The following SNCB variants were observed in gnomAD, a reference collection of about 807,000 sequenced individuals.
SNCB encodes the protein beta-synuclein.
SNCB carries 8 observed loss-of-function variants against 20.0 expected under a neutral mutation model. That is an observed-to-expected ratio of 0.40 (90% CI 0.24 to 0.72). The LOEUF is 0.72. SNCB is among the 30% of genes least tolerant of loss of function. The pLI, the probability that SNCB is intolerant of heterozygous loss-of-function variation, is 0.37. For synonymous variants in SNCB, 56 were observed against 65.4 expected, an observed-to-expected ratio of 0.86 and a Z score of 0.69; for missense variants, 125 against 168.0, an observed-to-expected ratio of 0.74 and a Z score of 1.41.
chr5:176,627,002 T>G (rs2113405147), intron 2 of SNCB, among the ~76,000 whole-genome samples: 1 of 152,296 alleles, frequency 6.6e-6, no homozygotes, highest in Middle Eastern at 3.4e-3. Context: ...CTCTAGTGGA[T>G]GTTGGCTGAG....
Position 176,621,151 on chromosome 5 carries a change from G to T in SNCB, c.372+63C>A, listed in dbSNP as rs1759566287. 2.3e-6 allele frequency: 3 copies of T among 1,329,188 alleles called. No individual in the cohort carries two copies. Among genetic ancestry groups the T allele is most frequent in the South Asian group, 2.5e-5 (2 of 80,764 alleles). 82.3% of individuals were successfully genotyped at this position (1,329,188 alleles called of 1,614,324 possible). Reference sequence around the variant, plus strand: ...CTCATGCCAGGGATGTCCCACCCCAGCTAGGGACGGCAGCAATCATCCTGG... The same window carrying T: ...CTCATGCCAGGGATGTCCCACCCCATCTAGGGACGGCAGCAATCATCCTGG... On this transcript the variant is annotated intron_variant, in intron 5 of 5. Coordinates refer to ENST00000393693, the MANE Select transcript of SNCB (RefSeq NM_003085.5). The surrounding 1 kb of genome is among the most constrained non-coding windows in gnomAD (Gnocchi z 4.1).
At position 176,626,362 on chromosome 5, in the gene SNCB, G is replaced by T. The variant is rs749586048; in HGVS notation, c.282+36C>A. The T allele has an allele frequency of 2.7e-6, 3 of 1,117,232 alleles. No homozygotes were observed. The South Asian group carries it at 3.7e-5, about 14-fold the overall frequency. 69.2% of individuals were successfully genotyped at this position (1,117,232 alleles called of 1,614,324 possible). A position where few individuals can be genotyped will look rare whatever the true frequency, so the allele number is the denominator to read the frequency against. ...TGTGTGTGTGTGTGTGTGTGTGTGTGTTTGCCTGCATGTGCGGGTCAGAAG... is the reference window on the plus strand; with the variant it reads ...TGTGTGTGTGTGTGTGTGTGTGTGTTTTTGCCTGCATGTGCGGGTCAGAAG... On this transcript the variant is annotated intron_variant, in intron 4 of 5. Coordinates refer to ENST00000393693, the MANE Select transcript of SNCB (RefSeq NM_003085.5). This position sits in a 1 kb window ranked among gnomAD's most constrained non-coding sequence, Gnocchi z 4.2.
chr5:176,624,002 A>G (rs1298432801), intron 4 of SNCB, among the ~76,000 whole-genome samples: 3 of 152,250 alleles, frequency 2.0e-5, no homozygotes, highest in Admixed American at 2.0e-4. Context: ...TCAGAAATGC[A>G]GACCATGGGC....
At position 176,621,308 on chromosome 5, in the gene SNCB, G is replaced by A; in HGVS notation, c.283-5C>T. The stretch of plus-strand genomic sequence containing the variant: ...TTCCTGGGCCACTTCCTCTGGCTGT[G>A]GGCAGAAAAGGTCAGGACTCGTGAG... On this transcript the variant is annotated splice_polypyrimidine_tract_variant and splice_region_variant and intron_variant, in intron 4 of 5. Transcript: ENST00000393693. This position sits in a 1 kb window ranked among gnomAD's most constrained non-coding sequence, Gnocchi z 4.1. 6.2e-7 allele frequency: 1 copy of A among 1,611,296 alleles called. No individual in the cohort carries two copies. The highest frequency in any genetic ancestry group is 8.5e-7 in the Non-Finnish European group (1 of 1,178,658).
intron 4 of SNCB, among the ~76,000 whole-genome samples, chr5:176,623,323 G>T (rs1270982284): frequency 6.6e-6 from 1 of 152,112 alleles, no homozygotes; most frequent in East Asian, 1.9e-4. Context: ...GGAGGTGAAG[G>T]TTTCAGTGAG....
rs751195031 is a variant in SNCB at position 176,629,598 on chromosome 5, C to T, written c.57G>A (p.Ala19=). 5.0e-6 allele frequency: 8 copies of T among 1,613,644 alleles called. No individual in the cohort carries two copies. Among genetic ancestry groups the T allele is most frequent in the South Asian group, 4.4e-5 (4 of 91,044 alleles). The change falls in exon 2 of 6, where the codon GCG becomes GCA. Residue 19 remains alanine (A), a synonymous_variant. Transcript: ENST00000393693. The surrounding 1 kb of genome is among the most constrained non-coding windows in gnomAD (Gnocchi z 4.1). ...CGGTGACCCCCTGCTTGGTTTTCTCCGCGGCTGCCACAACGCCCTCCTTGG... is the reference window on the plus strand; with the variant it reads ...CGGTGACCCCCTGCTTGGTTTTCTCTGCGGCTGCCACAACGCCCTCCTTGG... The part of the protein sequence containing the change: ...SMAKEGVVAA[A]EKTKQGVTEA...
At chr5:176,624,311 G>A (rs1213732123) in intron 4 of SNCB, among the ~76,000 whole-genome samples, 1 of 152,204 alleles carries the variant, frequency 6.6e-6, no homozygotes, top group Non-Finnish European at 1.5e-5. Flanking sequence ...AGGGAGGCAG[G>A]CAGGAAATGG....
In SNCB at chr5:176,620,556, G is replaced by A. The variant is rs1405858543; in HGVS notation, c.*255C>T. On this transcript the variant is annotated 3_prime_UTR_variant, in exon 6 of 6. Transcript: ENST00000393693. The surrounding 1 kb of genome is among the most constrained non-coding windows in gnomAD (Gnocchi z 4.5). ...TGCTACATCCGCGCAGACGCTGGAT[G>A]GGAGGAGGCAACACTGGAGGGGCGA... The A allele has an allele frequency of 1.7e-6, 1 of 589,704 alleles. No homozygotes were observed. The highest frequency in any genetic ancestry group is 1.9e-5 in the African/African-American group (1 of 53,570). 36.5% of individuals were successfully genotyped at this position (589,704 alleles called of 1,614,324 possible).
At chr5:176,628,484 C>T (rs565304596) in intron 2 of SNCB, among the ~76,000 whole-genome samples, 34 of 152,318 alleles carry the variant, frequency 2.2e-4, no homozygotes, top group Middle Eastern at 6.8e-3. Context: ...CAGTCCCTTG[C>T]TTACAGTCTC....
chr5:176,627,241 G>A (rs1561901258), intron 2 of SNCB, among the ~76,000 whole-genome samples: 1 of 152,226 alleles, frequency 6.6e-6, no homozygotes, highest in Admixed American at 6.5e-5. Context: ...AGGTGGGGGT[G>A]GGAGTAGGGG....
In SNCB at chr5:176,629,487, G is replaced by A. The variant is rs1232832520; in HGVS notation, c.121+47C>T. The A allele has an allele frequency of 1.9e-6, 3 of 1,599,564 alleles. No homozygotes were observed. Among genetic ancestry groups the A allele is most frequent in the South Asian group, 1.1e-5 (1 of 89,666 alleles). On this transcript the variant is annotated intron_variant, in intron 2 of 5. Coordinates refer to ENST00000393693, the MANE Select transcript of SNCB (RefSeq NM_003085.5). The surrounding 1 kb of genome is among the most constrained non-coding windows in gnomAD (Gnocchi z 4.1). ...GACCCGGCCCCAGCTCCACACTGTC[G>A]GGGGACCCCCAGCCCTGCAGCCCCA...
chr5:176,622,251 C>T (rs1163058960), intron 4 of SNCB, among the ~76,000 whole-genome samples: 1 of 152,198 alleles, frequency 6.6e-6, no homozygotes, highest in Non-Finnish European at 1.5e-5. Flanking sequence ...TGCCAAGGCC[C>T]AGGAGGTGGG....
rs1375541904 is a variant in SNCB at position 176,629,459 on chromosome 5, C to T, written c.121+75G>A. ...TTCTCCTGCCCAGAACCCCCCTCCC[C>T]GGGACCCGGCCCCAGCTCCACACTG... On this transcript the variant is annotated intron_variant, in intron 2 of 5. Coordinates refer to ENST00000393693, the MANE Select transcript of SNCB (RefSeq NM_003085.5). The surrounding 1 kb of genome is among the most constrained non-coding windows in gnomAD (Gnocchi z 4.1). 7 of 1,536,868 alleles carry T rather than the reference C, an allele frequency of 4.6e-6. No individual in the cohort carries two copies. Among genetic ancestry groups the T allele is most frequent in the Non-Finnish European group, 3.6e-6 (4 of 1,122,776 alleles).
In SNCB at chr5:176,626,551, G is replaced by A. The variant is rs200482345; in HGVS notation, c.164-35C>T. The A allele has an allele frequency of 2.6e-6, 4 of 1,567,362 alleles. No individual in the cohort carries two copies. In the South Asian group the frequency reaches 3.3e-5, roughly 13 times the overall value. On this transcript the variant is annotated intron_variant, in intron 3 of 5. Coordinates refer to ENST00000393693, the MANE Select transcript of SNCB (RefSeq NM_003085.5). This position sits in a 1 kb window ranked among gnomAD's most constrained non-coding sequence, Gnocchi z 4.2. ...GGAGGGGGTTGAGGAAGGGGTTTGG[G>A]AGCCAGGGGGAAACACCGATGCCCT...
chr5:176,620,811 C>T lies in SNCB; in HGVS notation c.405G>A (p.Ter135=). 1 of 1,613,604 alleles carries T rather than the reference C, an allele frequency of 6.2e-7. No homozygotes were observed. The highest frequency in any genetic ancestry group is 8.5e-7 in the Non-Finnish European group (1 of 1,179,560). Residue 135 remains the stop codon, a stop_retained_variant, in exon 6 of 6, where the codon TAG becomes TAA. Coordinates refer to ENST00000393693, the MANE Select transcript of SNCB (RefSeq NM_003085.5). The surrounding 1 kb of genome is among the most constrained non-coding windows in gnomAD (Gnocchi z 4.5). ...TGCTGGTGGGGGCTCTCCTGGGCCCCTACGCCTCTGGCTCATACTCCTGAT... is the reference window on the plus strand; with the variant it reads ...TGCTGGTGGGGGCTCTCCTGGGCCCTTACGCCTCTGGCTCATACTCCTGAT... ...EEYQEYEPEA[*]
At position 176,621,135 on chromosome 5, in the gene SNCB, G is replaced by T; in HGVS notation, c.372+79C>A. ...TCCCTGGCCCAACCATCTCATGCCA[G>T]GGATGTCCCACCCCAGCTAGGGACG... On this transcript the variant is annotated intron_variant, in intron 5 of 5. Coordinates refer to ENST00000393693, the MANE Select transcript of SNCB (RefSeq NM_003085.5). The surrounding 1 kb of genome is among the most constrained non-coding windows in gnomAD (Gnocchi z 4.1). The T allele has an allele frequency of 8.5e-7, 1 of 1,173,382 alleles. No individual in the cohort carries two copies. Among genetic ancestry groups the T allele is most frequent in the Non-Finnish European group, 1.2e-6 (1 of 800,238 alleles). The allele number at this position is 1,173,382 out of a possible 1,614,324, so 72.7% of individuals were successfully genotyped here.
rs1446356267 is a variant in SNCB, at chr5:176,620,709, T to TGC, written c.*101_*102insGC. 1.4e-5 allele frequency: 12 copies of TGC among 842,276 alleles called. No individual in the cohort carries two copies. In the African/African-American group the frequency reaches 2.0e-4, roughly 14 times the overall value. The allele number at this position is 842,276 out of a possible 1,614,324, so 52.2% of individuals were successfully genotyped here. On this transcript the variant is annotated 3_prime_UTR_variant, in exon 6 of 6. Transcript: ENST00000393693. This position sits in a 1 kb window ranked among gnomAD's most constrained non-coding sequence, Gnocchi z 4.5. ...GGGTTGCCTCAGAGCGGAAGGAAGA[T>TGC]CTCGTGATTGGGGAGAAGGAGTCTA...
rs1162387497 is a variant in SNCB at position 176,620,713 on chromosome 5, G to A, written c.*98C>T. On this transcript the variant is annotated 3_prime_UTR_variant, in exon 6 of 6. Transcript: ENST00000393693. The surrounding 1 kb of genome is among the most constrained non-coding windows in gnomAD (Gnocchi z 4.5). ...TGCCTCAGAGCGGAAGGAAGATCTCGTGATTGGGGAGAAGGAGTCTAAGGA... is the reference window on the plus strand; with the variant it reads ...TGCCTCAGAGCGGAAGGAAGATCTCATGATTGGGGAGAAGGAGTCTAAGGA... The A allele has an allele frequency of 3.5e-6, 3 of 855,982 alleles. No homozygotes were observed. In the Admixed American group the frequency reaches 5.1e-5, roughly 15 times the overall value. 53.0% of individuals were successfully genotyped at this position (855,982 alleles called of 1,614,324 possible).
intron 4 of SNCB, among the ~76,000 whole-genome samples, chr5:176,624,903 T>A (rs1488707685): frequency 6.6e-6 from 1 of 151,834 alleles, no homozygotes; most frequent in African/African-American, 2.4e-5. Context: ...GATCCTGACT[T>A]CCAACAGTGG....
Sources: gnomAD v4.1 joint callset for allele counts (sites outside exome capture counted in the v4.1 genomes callset) on GRCh38, gnomAD v4.1.1 for gene constraint, Gnocchi (gnomAD v3.1) non-coding constraint, MANE v1.5 for transcripts, NCBI Gene and HGNC (gene_info 2026-07-23, HGNC 2026-07-21) for gene names.